IL23R: variants seen among roughly 807,000 people sequenced by gnomAD.
IL23R encodes interleukin-23 receptor.
A neutral mutation model predicts 56.9 loss-of-function variants in IL23R; 34 were observed. That is an observed-to-expected ratio of 0.60 (90% CI 0.45 to 0.80). The LOEUF (loss-of-function observed/expected upper bound fraction) is 0.80, where lower values mean the gene tolerates loss of function less well. IL23R is among the 30% of genes least tolerant of loss of function. IL23R has a pLI of 0.00. For synonymous variants in IL23R, 230 were observed against 249.2 expected, an observed-to-expected ratio of 0.92 and a Z score of 0.73; for missense variants, 635 against 730.0, an observed-to-expected ratio of 0.87 and a Z score of 1.50.
chr1:67,251,143 G>A (rs1570926623), intron 9 of IL23R, among the ~76,000 whole-genome samples: 2 of 152,076 alleles, frequency 1.3e-5, no homozygotes, highest in Non-Finnish European at 2.9e-5. Flanking sequence ...AGCAAAACAA[G>A]ATCCACAAAA....
chr1:67,216,574 A>G (rs533109384), intron 6 of IL23R, among the ~76,000 whole-genome samples: 2 of 152,350 alleles, frequency 1.3e-5, no homozygotes, highest in Admixed American at 6.5e-5. Flanking sequence ...GCAGTCACAG[A>G]CAATTATGTA....
chr1:67,257,580 G>A (rs1038000144), intron 10 of IL23R, among the ~76,000 whole-genome samples: 1 of 152,136 alleles, frequency 6.6e-6, no homozygotes, highest in African/African-American at 2.4e-5. Context: ...GCCCAGGAAG[G>A]CCAGCCATCT....
chr1:67,205,828 GAGA>G (rs976228052), intron 5 of IL23R, among the ~76,000 whole-genome samples: 11 of 152,088 alleles, frequency 7.2e-5, no homozygotes, highest in Admixed American at 1.3e-4. Flanking sequence ...TAATACACAA[GAGA>G]AGGAGAAGAT....
intron 9 of IL23R, among the ~76,000 whole-genome samples, chr1:67,245,697 T>G (rs535965266): frequency 6.6e-6 from 1 of 152,348 alleles, no homozygotes; most frequent in South Asian, 2.1e-4. Flanking sequence ...GATGTGCTGC[T>G]GGATTCCGTT....
At chr1:67,212,793 A>C (rs953030690) in intron 6 of IL23R, among the ~76,000 whole-genome samples, 1 of 152,092 alleles carries the variant, frequency 6.6e-6, no homozygotes, top group Non-Finnish European at 1.5e-5. Flanking sequence ...GAGCTCAAGC[A>C]ACCATCCCGC....
At chr1:67,219,785 G>T (rs1363283214) in intron 7 of IL23R, 55 bp downstream of exon 7, 3 of 1,525,408 alleles carry the variant, frequency 2.0e-6, no homozygotes, top group East Asian at 2.2e-5. Flanking sequence ...TATCTTTTCT[G>T]CTGAGCACAG....
rs2100399151 is a variant in IL23R at position 67,259,119 on chromosome 1, G to T, written c.1881G>T (p.Leu627Phe). 1 of 1,613,788 alleles carries T rather than the reference G, an allele frequency of 6.2e-7. No individual in the cohort carries two copies. Among genetic ancestry groups the T allele is most frequent in the African/African-American group, 1.3e-5 (1 of 75,006 alleles). ...GCCACTTCAATAGGATTTCACTCTT[G>T]GAAAAGTAGAGCTGTGTGGTCAAAA... ...LESHFNRISL[L>F]EK The change falls in exon 11 of 11, where the codon TTG becomes TTT. Residue 627 changes from leucine (L) to phenylalanine (F), a missense_variant. Coordinates refer to ENST00000347310, the MANE Select transcript of IL23R (RefSeq NM_144701.3).
At position 67,240,266 on chromosome 1, in the gene IL23R, G is replaced by A. The variant is rs867213276; in HGVS notation, c.1133G>A (p.Arg378Lys). 6.2e-7 allele frequency: 1 copy of A among 1,610,860 alleles called. No homozygotes were observed. The highest frequency in any genetic ancestry group is 8.5e-7 in the Non-Finnish European group (1 of 1,177,264). Residue 378 changes from arginine (R) to lysine (K), a missense_variant, in exon 9 of 11, where the codon AGA becomes AAA. By Grantham distance (26) the Arg-to-Lys change is conservative (BLOSUM62 2). Coordinates refer to ENST00000347310, the MANE Select transcript of IL23R (RefSeq NM_144701.3). Reference protein sequence around the residue: ...SILSLIGIFNRSFRTGIKRRI... With the variant: ...SILSLIGIFNKSFRTGIKRRI... ...CTTTCTTTGATTGGGATATTTAACAGATCATTCCGAACTGGGTAGGTTTTT... is the reference window on the plus strand; with the variant it reads ...CTTTCTTTGATTGGGATATTTAACAAATCATTCCGAACTGGGTAGGTTTTT...
chr1:67,259,498 C>G lies in IL23R; in HGVS notation c.*370C>G, dbSNP rs143229126. ...GGAACATGCTTCATGGTCACACATA[C>G]AGGCACAAAAACAGCATTATGTGGA... On this transcript the variant is annotated 3_prime_UTR_variant, in exon 11 of 11. Coordinates refer to ENST00000347310, the MANE Select transcript of IL23R (RefSeq NM_144701.3). The G allele has an allele frequency of 7.0e-4, 209 of 298,890 alleles. 1 individual carries two copies. Among genetic ancestry groups the G allele is most frequent in the African/African-American group, 4.3e-3 (198 of 45,650 alleles). The allele number at this position is 298,890 out of a possible 1,614,324, so 18.5% of individuals were successfully genotyped here. A position where few individuals can be genotyped will look rare whatever the true frequency, so the allele number is the denominator to read the frequency against.
chr1:67,229,444 C>T (rs1650952913), intron 7 of IL23R, among the ~76,000 whole-genome samples: 1 of 152,178 alleles, frequency 6.6e-6, no homozygotes, highest in South Asian at 2.1e-4. Context: ...TATCCTGAAG[C>T]TCCTAGAACT....
intron 3 of IL23R, among the ~76,000 whole-genome samples, chr1:67,177,899 G>T (rs911032831): frequency 6.6e-6 from 1 of 150,984 alleles, no homozygotes; most frequent in East Asian, 1.9e-4. Context: ...GCTCGTTTTT[G>T]TCAGGTTTGT....
chr1:67,178,476 G>A (rs1205562528), intron 3 of IL23R, among the ~76,000 whole-genome samples: 1 of 152,194 alleles, frequency 6.6e-6, no homozygotes, highest in Non-Finnish European at 1.5e-5. Flanking sequence ...TTTGTATCCT[G>A]AGACTTTGCT....
upstream of IL23R, among the ~76,000 whole-genome samples, chr1:67,162,849 C>T (rs757535397): frequency 3.3e-5 from 5 of 152,058 alleles, no homozygotes; most frequent in Non-Finnish European, 5.9e-5. Context: ...TACTGTGAAC[C>T]CCGGCTCATT....
intron 9 of IL23R, among the ~76,000 whole-genome samples, chr1:67,254,166 T>A (rs957174823): frequency 6.6e-6 from 1 of 152,034 alleles, no homozygotes; most frequent in Admixed American, 6.6e-5. Context: ...TCTCCTGGGT[T>A]CAAGTGATTC....
intron 6 of IL23R, among the ~76,000 whole-genome samples, chr1:67,218,326 A>ATGTGTG (rs3052947): frequency 5.0e-4 from 62 of 124,828 alleles, no homozygotes; most frequent in African/African-American, 1.7e-3. Context: ...ATATATGCAT[A>ATGTGTG]TGTGTGTGTG....
chr1:67,214,908 T>C (rs972934406), intron 6 of IL23R, among the ~76,000 whole-genome samples: 1 of 152,180 alleles, frequency 6.6e-6, no homozygotes, highest in Non-Finnish European at 1.5e-5. Context: ...AAAAATCAAC[T>C]CATAACTTAG....
At chr1:67,204,446 C>T (rs898921130) in intron 5 of IL23R, among the ~76,000 whole-genome samples, 11 of 152,136 alleles carry the variant, frequency 7.2e-5, no homozygotes, top group African/African-American at 2.4e-4. Flanking sequence ...ATAATAAATG[C>T]CAGTTTGCAA....
intron 6 of IL23R, among the ~76,000 whole-genome samples, chr1:67,215,937 A>G (rs550690660): frequency 4.6e-5 from 7 of 152,080 alleles, no homozygotes; most frequent in African/African-American, 1.7e-4. Flanking sequence ...CATACCTACC[A>G]TCTCACTGTC....
intron 9 of IL23R, among the ~76,000 whole-genome samples, chr1:67,249,698 A>T (rs1314960357): frequency 4.6e-5 from 7 of 152,120 alleles, no homozygotes; most frequent in Non-Finnish European, 8.8e-5. Context: ...TGGATGCTCC[A>T]AGGGCCCTCT....
Sources: allele counts gnomAD v4.1 joint callset (sites outside exome capture counted in the v4.1 genomes callset), GRCh38; gene constraint gnomAD v4.1.1; transcripts MANE v1.5; gene names NCBI Gene and HGNC (gene_info 2026-07-23, HGNC 2026-07-21).